KAZN: variants seen among roughly 807,000 people sequenced by gnomAD.
KAZN encodes the protein kazrin, periplakin interacting protein, also known as kazrin.
KAZN carries 40 observed loss-of-function variants against 87.4 expected under a neutral mutation model. The observed-to-expected ratio is 0.46, with a 90% confidence interval of 0.36 to 0.60. KAZN has a LOEUF of 0.60. KAZN is among the 20% of genes least tolerant of loss of function. The probability of loss-of-function intolerance (pLI) is 0.00; values close to 1 mark genes in which losing one functional copy is unlikely to be tolerated. For missense variants in KAZN, 898 were observed against 1,073.9 expected (o/e 0.84, Z 2.29); for synonymous variants, 466 against 458.3 (o/e 1.02, Z -0.22).
intron 2 of KAZN, among the ~76,000 whole-genome samples, chr1:14,461,742 T>C (rs1182058164): frequency 6.6e-6 from 1 of 152,136 alleles, no homozygotes; most frequent in East Asian, 1.9e-4. Context: ...CCCACCTATT[T>C]CTTCACCTTG....
chr1:14,332,370 G>A (rs1280014710), intron 2 of KAZN, among the ~76,000 whole-genome samples: 2 of 152,134 alleles, frequency 1.3e-5, no homozygotes. Flanking sequence ...CACGGGAGAT[G>A]GAATGTCCAC....
At chr1:13,950,886 G>A (rs1327321271) in intron 1 of KAZN, among the ~76,000 whole-genome samples, 3 of 152,268 alleles carry the variant, frequency 2.0e-5, no homozygotes, top group East Asian at 3.9e-4. Flanking sequence ...AGTACTGTGT[G>A]TTAAATAGGT....
intron 2 of KAZN, among the ~76,000 whole-genome samples, chr1:14,965,028 ATT>A (rs890640378): frequency 2.0e-5 from 3 of 150,568 alleles, no homozygotes; most frequent in Non-Finnish European, 4.4e-5. Flanking sequence ...ATATATATAT[ATT>A]TTTTTCTTTT....
In KAZN at chr1:15,094,489, A is replaced by T; in HGVS notation, c.1428+104A>T. ...CCACTCCTACCCTGGAGTCAGGAGAAGGTGCAATCTAGGAGCTAGCCAATG... is the reference window on the plus strand; with the variant it reads ...CCACTCCTACCCTGGAGTCAGGAGATGGTGCAATCTAGGAGCTAGCCAATG... On this transcript the variant is annotated intron_variant, in intron 9 of 14. Coordinates refer to ENST00000376030, the MANE Select transcript of KAZN (RefSeq NM_201628.3). This position sits in a 1 kb window ranked among gnomAD's most constrained non-coding sequence, Gnocchi z 4.5. The T allele has an allele frequency of 2.8e-6, 3 of 1,084,640 alleles. No homozygotes were observed. The highest frequency in any genetic ancestry group is 4.0e-6 in the Non-Finnish European group (3 of 747,368). 67.2% of individuals were successfully genotyped at this position (1,084,640 alleles called of 1,614,324 possible).
rs1022552312 is a variant in KAZN at position 14,182,677 on chromosome 1, G to A, written c.249+2085G>A. Among the ~76,000 whole-genome samples the A allele has an allele frequency of 1.1e-4, 16 of 152,158 alleles. 1 individual carries two copies. Among genetic ancestry groups the A allele is most frequent in the South Asian group, 2.1e-4 (1 of 4,818 alleles). On this transcript the variant is annotated intron_variant, in intron 2 of 16. Coordinates refer to the KAZN transcript ENST00000636203. ...TGATTTTGAGTTTTGAAGTAGACAC[G>A]TAAAAATATGTCATTTTTAAAAAAA...
chr1:14,924,273 C>G, intron 1 of KAZN: 1 of 982,740 alleles, frequency 1.0e-6, no homozygotes, highest in Non-Finnish European at 1.2e-6. Flanking sequence ...GGCTGCGCCC[C>G]GATGCGGCGG....
intron 1 of KAZN, among the ~76,000 whole-genome samples, chr1:14,767,795 G>A (rs1264610575): frequency 1.3e-5 from 2 of 152,212 alleles, no homozygotes; most frequent in Non-Finnish European, 2.9e-5. Flanking sequence ...CCACTTGGCT[G>A]ACATTGAAAA....
At position 14,993,203 on chromosome 1, in the gene KAZN, C is replaced by T. The variant is rs190549701; in HGVS notation, c.418+32328C>T. ...AAAAATCAGGCCAGGCGCGGTGGCT[C>T]ACGCCTGTAATCCCAGCACTCTGGG... is the stretch of plus-strand genomic sequence containing the variant. On this transcript the variant is annotated intron_variant, in intron 2 of 14. Coordinates refer to ENST00000376030, the MANE Select transcript of KAZN (RefSeq NM_201628.3). 3.9e-3 allele frequency among the ~76,000 whole-genome samples: 588 copies of T among 150,272 alleles called. 5 individuals are homozygous for T. Among genetic ancestry groups the T allele is most frequent in the Middle Eastern group, 0.017 (5 of 286 alleles).
At chr1:14,743,553 G>T (rs1644175042) in intron 1 of KAZN, among the ~76,000 whole-genome samples, 1 of 152,088 alleles carries the variant, frequency 6.6e-6, no homozygotes, top group Admixed American at 6.5e-5. Context: ...TAAGCAAAAA[G>T]AAACAAAATG....
intron 1 of KAZN, among the ~76,000 whole-genome samples, chr1:14,646,064 A>T (rs1680782448): frequency 6.6e-6 from 1 of 152,138 alleles, no homozygotes; most frequent in South Asian, 2.1e-4. Flanking sequence ...CCAGTTGATA[A>T]GAAAAGATCA....
intron 2 of KAZN, among the ~76,000 whole-genome samples, chr1:14,547,236 C>T (rs1342099671): frequency 6.6e-6 from 1 of 152,064 alleles, no homozygotes; most frequent in Admixed American, 6.5e-5. Flanking sequence ...TGGCCTATGT[C>T]CTGCCTATAT....
intron 1 of KAZN, among the ~76,000 whole-genome samples, chr1:14,641,075 GTCAT>G (rs901128151): frequency 1.3e-5 from 2 of 152,176 alleles, no homozygotes; most frequent in African/African-American, 4.8e-5. Context: ...GAAGTCCTGG[GTCAT>G]TCATTTGCAG....
intron 1 of KAZN, among the ~76,000 whole-genome samples, chr1:14,819,237 A>AG (rs1297805295): frequency 6.6e-6 from 1 of 152,210 alleles, no homozygotes; most frequent in Non-Finnish European, 1.5e-5. Context: ...GTCCCTTGTC[A>AG]GGGGGCCTGA....
At chr1:14,430,993 A>G (rs1445159612) in intron 2 of KAZN, among the ~76,000 whole-genome samples, 1 of 152,188 alleles carries the variant, frequency 6.6e-6, no homozygotes, top group African/African-American at 2.4e-5. Flanking sequence ...ACTGTTATAG[A>G]CCCAGAAAAT....
intron 1 of KAZN, among the ~76,000 whole-genome samples, chr1:13,933,263 C>G (rs12034398): frequency 6.6e-6 from 1 of 151,794 alleles, no homozygotes. Context: ...GAGGCCGAGG[C>G]GGGTGTATCA....
At chr1:15,087,764 C>T (rs1331201040) in intron 8 of KAZN, among the ~76,000 whole-genome samples, 2 of 152,222 alleles carry the variant, frequency 1.3e-5, no homozygotes, top group Non-Finnish European at 2.9e-5. Flanking sequence ...CTGTACTGGA[C>T]AGAGCAGTCT....
chr1:13,899,252 C>T (rs889427743), intron 1 of KAZN, among the ~76,000 whole-genome samples: 1 of 152,230 alleles, frequency 6.6e-6, no homozygotes, highest in Non-Finnish European at 1.5e-5. Context: ...ACATTCTTTA[C>T]ATATTACCTT....
intron 1 of KAZN, among the ~76,000 whole-genome samples, chr1:14,840,854 G>A (rs1469291859): frequency 1.3e-5 from 2 of 152,136 alleles, no homozygotes; most frequent in Non-Finnish European, 2.9e-5. Context: ...ATACTATTAG[G>A]AATGTGAAGT....
Position 14,820,510 on chromosome 1 carries a change from C to T in KAZN, c.227-140174C>T, listed in dbSNP as rs1646708459. Among the ~76,000 whole-genome samples the T allele has an allele frequency of 6.6e-6, 1 of 152,236 alleles. No individual in the cohort carries two copies. The highest frequency in any genetic ancestry group is 1.5e-5 in the Non-Finnish European group (1 of 68,042). On this transcript the variant is annotated intron_variant, in intron 1 of 14. Transcript: ENST00000376030. The surrounding 1 kb of genome is among the most constrained non-coding windows in gnomAD (Gnocchi z 4.1). ...AGCTGCAAACCCACGTGCTGGGCTG[C>T]ACAGCTGCCTGAACGAAGCTGGAGC...
Sources: gnomAD v4.1 joint callset for allele counts (sites outside exome capture counted in the v4.1 genomes callset) on GRCh38, gnomAD v4.1.1 for gene constraint, Gnocchi (gnomAD v3.1) non-coding constraint, MANE v1.5 for transcripts, NCBI Gene and HGNC (gene_info 2026-07-23, HGNC 2026-07-21) for gene names.